Variants in ZNF407 observed in about 807,000 individuals in gnomAD.
The protein encoded by ZNF407 is zinc finger protein 407.
In ZNF407, 17 loss-of-function variants were observed where a neutral mutation model predicts 131.2. The observed-to-expected ratio is 0.13, with a 90% CI of 0.09 to 0.19. The LOEUF (loss-of-function observed/expected upper bound fraction) is 0.19, where lower values mean the gene tolerates loss of function less well. Ranked by LOEUF, ZNF407 falls within the 10% of genes least tolerant of loss-of-function variation. The probability of loss-of-function intolerance (pLI) is 1.00; values close to 1 mark genes in which losing one functional copy is unlikely to be tolerated. For missense variants in ZNF407, 2,681 were observed against 2,830.6 expected (o/e 0.95, Z 1.20); for synonymous variants, 1,156 against 1,062.0 (o/e 1.09, Z -1.72).
chr18:74,769,017 A>G (rs1033717368), intron 3 of ZNF407, among the ~76,000 whole-genome samples: 9 of 152,088 alleles, frequency 5.9e-5, no homozygotes, highest in African/African-American at 2.2e-4. Context: ...TGTCATCATT[A>G]TCATCATCAT....
chr18:74,964,597 T>A (rs986841436), intron 8 of ZNF407, among the ~76,000 whole-genome samples: 2 of 151,704 alleles, frequency 1.3e-5, no homozygotes, highest in African/African-American at 4.8e-5. Context: ...TTTTTTTTTT[T>A]TTTGGGTCTT....
chr18:74,876,738 TC>T (rs1971161867), intron 4 of ZNF407, among the ~76,000 whole-genome samples: 1 of 152,230 alleles, frequency 6.6e-6, no homozygotes, highest in Non-Finnish European at 1.5e-5. Flanking sequence ...TGCCTTTTCT[TC>T]CCTGCAGCGT....
chr18:74,768,029 G>T (rs1451523923), intron 3 of ZNF407, among the ~76,000 whole-genome samples: 2 of 152,150 alleles, frequency 1.3e-5, no homozygotes, highest in East Asian at 3.9e-4. Context: ...TATATTGAAT[G>T]TGTATGGTGG....
At chr18:75,040,430 G>A (rs1938968726) in intron 8 of ZNF407, among the ~76,000 whole-genome samples, 1 of 152,044 alleles carries the variant, frequency 6.6e-6, no homozygotes, top group African/African-American at 2.4e-5. Flanking sequence ...TTCAAAATGG[G>A]GTGGAAGATT....
Position 74,930,593 on chromosome 18 carries a change from G to C in ZNF407, c.5428+9901G>C, listed in dbSNP as rs568556185. 5.9e-5 allele frequency among the ~76,000 whole-genome samples: 9 copies of C among 152,214 alleles called. No individual in the cohort carries two copies. In the South Asian group the frequency reaches 1.9e-3, roughly 32 times the overall value. Reference sequence around the variant, plus strand: ...AATTGGAATTATTCTGTAAGGAATGGTAGTTGGTTCCTTCTTTCCCAGTTC... The same window carrying C: ...AATTGGAATTATTCTGTAAGGAATGCTAGTTGGTTCCTTCTTTCCCAGTTC... On this transcript the variant is annotated intron_variant, in intron 8 of 8. Transcript: ENST00000299687.
rs2144666791 is a variant in ZNF407 at position 74,632,833 on chromosome 18, A to G, written c.1814A>G (p.Asp605Gly). 1 of 1,613,856 alleles carries G rather than the reference A, an allele frequency of 6.2e-7. No individual in the cohort carries two copies. Among genetic ancestry groups the G allele is most frequent in the East Asian group, 2.2e-5 (1 of 44,880 alleles). The change falls in exon 2 of 9, where the codon GAC (aspartate) becomes GGC (glycine). Residue 605 changes from aspartate (D) to glycine (G), a missense_variant. Physicochemically the swap from Asp to Gly is moderately conservative, Grantham distance 94. This residue lies in a region of ZNF407 where 1,789 missense variants were observed against 1,748.7 expected (regional missense o/e 1.02). Transcript: ENST00000299687. ...TCCTTGGATGAAATAAATCTTAGAG[A>G]CCACATGAAGGAAAAGCACAATATG... ...FISLDEINLR[D>G]HMKEKHNMHF...
chr18:74,731,807 A>G (rs1968300648), intron 3 of ZNF407, among the ~76,000 whole-genome samples: 1 of 152,146 alleles, frequency 6.6e-6, no homozygotes, highest in Non-Finnish European at 1.5e-5. Flanking sequence ...AACAGTGTCC[A>G]TTCCTTGTCT....
At chr18:74,946,417 G>A (rs1338990955) in intron 8 of ZNF407, among the ~76,000 whole-genome samples, 1 of 152,122 alleles carries the variant, frequency 6.6e-6, no homozygotes, top group Non-Finnish European at 1.5e-5. Context: ...GAGATACTCT[G>A]TTTGTGCATG....
At chr18:74,930,749 T>C (rs1971973670) in intron 8 of ZNF407, among the ~76,000 whole-genome samples, 1 of 152,224 alleles carries the variant, frequency 6.6e-6, no homozygotes, top group Non-Finnish European at 1.5e-5. Context: ...AGTCAGCTCC[T>C]GTGCCCTGTG....
At position 75,063,107 on chromosome 18, in the gene ZNF407, C is replaced by A. The variant is rs758846533; in HGVS notation, c.5429-43C>A. 6.6e-7 allele frequency: 1 copy of A among 1,505,652 alleles called. No individual in the cohort carries two copies. Among genetic ancestry groups the A allele is most frequent in the Non-Finnish European group, 8.9e-7 (1 of 1,118,884 alleles). 93.3% of individuals were successfully genotyped at this position (1,505,652 alleles called of 1,614,324 possible). On this transcript the variant is annotated intron_variant, in intron 8 of 8. Transcript: ENST00000299687. The surrounding 1 kb of genome is among the most constrained non-coding windows in gnomAD (Gnocchi z 6.6). ...AAGAAGTGTCTTACTTGTAAGCCTA[C>A]GAGTACTTTTTCCAGGCTCTAACTG...
chr18:75,044,134 C>T (rs1270020886), intron 8 of ZNF407, among the ~76,000 whole-genome samples: 41 of 152,110 alleles, frequency 2.7e-4, no homozygotes, highest in African/African-American at 4.8e-5. Flanking sequence ...TGACCTCTTC[C>T]GACATCTTTA....
intron 4 of ZNF407, among the ~76,000 whole-genome samples, chr18:74,796,844 T>A (rs1196996524): frequency 6.6e-6 from 1 of 152,190 alleles, no homozygotes; most frequent in Non-Finnish European, 1.5e-5. Context: ...TTAACCATCA[T>A]ATTTCTTACA....
At chr18:74,624,830 C>T (rs556580677) in intron 1 of ZNF407, among the ~76,000 whole-genome samples, 1 of 152,326 alleles carries the variant, frequency 6.6e-6, no homozygotes, top group African/African-American at 2.4e-5. Context: ...TCCTACTTGC[C>T]CCCTCAACAA....
chr18:74,845,505 CATTT>C (rs1555694186), intron 4 of ZNF407, among the ~76,000 whole-genome samples: 2 of 152,132 alleles, frequency 1.3e-5, no homozygotes, highest in Non-Finnish European at 2.9e-5. Context: ...TTTTTATTCC[CATTT>C]AATTTCCTTT....
At chr18:74,764,932 A>C (rs938448241) in intron 3 of ZNF407, among the ~76,000 whole-genome samples, 7 of 152,212 alleles carry the variant, frequency 4.6e-5, no homozygotes, top group African/African-American at 1.7e-4. Flanking sequence ...AAAAGTCTTC[A>C]TTCTCATTAT....
intron 8 of ZNF407, among the ~76,000 whole-genome samples, chr18:74,964,749 T>C (rs1972391274): frequency 6.6e-6 from 1 of 152,212 alleles, no homozygotes; most frequent in Non-Finnish European, 1.5e-5. Context: ...ATGTTAATAT[T>C]TTCTTGCTTT....
chr18:74,988,550 TAAA>T (rs2122131441), intron 8 of ZNF407, among the ~76,000 whole-genome samples: 1 of 151,484 alleles, frequency 6.6e-6, no homozygotes, highest in African/African-American at 2.4e-5. Flanking sequence ...CTAGAGTACT[TAAA>T]GAACAAATCA....
At chr18:74,901,096 A>AT (rs2145208369) in intron 7 of ZNF407, among the ~76,000 whole-genome samples, 2 of 152,292 alleles carry the variant, frequency 1.3e-5, no homozygotes, top group South Asian at 4.2e-4. Context: ...CTTAGGGTGC[A>AT]TTATAACTGC....
chr18:75,038,323 T>C (rs1389843096), intron 8 of ZNF407, among the ~76,000 whole-genome samples: 2 of 152,214 alleles, frequency 1.3e-5, no homozygotes, highest in Admixed American at 6.5e-5. Context: ...AACTTCCCCA[T>C]AGTGTCTGAG....
Sources: allele counts gnomAD v4.1 joint callset (sites outside exome capture counted in the v4.1 genomes callset), GRCh38; gene constraint gnomAD v4.1.1; regional missense constraint gnomAD v4.1.1; non-coding constraint Gnocchi (gnomAD v3.1); transcripts MANE v1.5; gene names NCBI Gene and HGNC (gene_info 2026-07-23, HGNC 2026-07-21).